Variants in LINC00237 observed in about 807,000 individuals in gnomAD.
LINC00237 encodes long independently transcribed non-coding RNA 237, also known as long intergenic non-protein coding RNA 237.
chr20:21,103,460 C>G (rs940299419), intron 1 of LINC00237, among the ~76,000 whole-genome samples: 1 of 152,146 alleles, frequency 6.6e-6, no homozygotes, highest in African/African-American at 2.4e-5. Flanking sequence ...CTGCCCGGTG[C>G]CCATCATATT....
exon 4 of LINC00237, among the ~76,000 whole-genome samples, chr20:21,085,581 G>C (rs1217095195): frequency 6.6e-6 from 1 of 152,122 alleles, no homozygotes; most frequent in Non-Finnish European, 1.5e-5. Flanking sequence ...AAGAGTACAT[G>C]TTGTATGATT....
intron 1 of LINC00237, among the ~76,000 whole-genome samples, chr20:21,099,357 G>A (rs1283669595): frequency 6.6e-6 from 1 of 152,224 alleles, no homozygotes; most frequent in Non-Finnish European, 1.5e-5. Flanking sequence ...GGGGAGAAAA[G>A]TGAAAGATTC....
intron 1 of LINC00237, among the ~76,000 whole-genome samples, chr20:21,103,108 G>A (rs1248980376): frequency 6.6e-6 from 1 of 152,264 alleles, no homozygotes; most frequent in Non-Finnish European, 1.5e-5. Flanking sequence ...CGAAGCTGGA[G>A]GGCGCACTCC....
intron 2 of LINC00237, among the ~76,000 whole-genome samples, chr20:21,092,587 TG>T (rs2030806857): frequency 6.6e-6 from 1 of 152,188 alleles, no homozygotes; most frequent in Non-Finnish European, 1.5e-5. Flanking sequence ...ATGGCTTAAA[TG>T]GCTCATCTTC....
intron 1 of LINC00237, among the ~76,000 whole-genome samples, chr20:21,105,433 T>C (rs904817701): frequency 6.6e-6 from 1 of 152,310 alleles, no homozygotes; most frequent in East Asian, 1.9e-4. Flanking sequence ...AAGTGGTTTC[T>C]CGAGGTACCC....
At chr20:21,086,685 A>ATATGTATAGTATGCTATATATGTATAG (rs374333750) in intron 3 of LINC00237, among the ~76,000 whole-genome samples, 1 of 94,980 alleles carries the variant, frequency 1.1e-5, no homozygotes. Context: ...AGTATACTAC[A>ATATGTATAGTATGCTATATATGTATAG]TATACATATG....
At chr20:21,097,988 T>C (rs1435416586) in intron 1 of LINC00237, among the ~76,000 whole-genome samples, 5 of 152,204 alleles carry the variant, frequency 3.3e-5, no homozygotes, top group Admixed American at 3.3e-4. Context: ...CTCCCTGCCT[T>C]CTTGTTTAGT....
At chr20:21,094,270 TG>T (rs1430873334) in intron 1 of LINC00237, among the ~76,000 whole-genome samples, 6 of 152,360 alleles carry the variant, frequency 3.9e-5, no homozygotes, top group African/African-American at 1.2e-4. Flanking sequence ...CCAGCCCTTC[TG>T]GGTCTTTCTT....
chr20:21,086,685 A>ATTTGTATAGTATAC (rs1568883483), intron 3 of LINC00237, among the ~76,000 whole-genome samples: 1 of 94,980 alleles, frequency 1.1e-5, no homozygotes, highest in East Asian at 2.9e-4. Context: ...AGTATACTAC[A>ATTTGTATAGTATAC]TATACATATG....
chr20:21,105,541 A>G (rs1486310209), intron 1 of LINC00237, among the ~76,000 whole-genome samples: 2 of 152,140 alleles, frequency 1.3e-5, no homozygotes, highest in African/African-American at 2.4e-5. Context: ...GGCGGCAGGG[A>G]CAGTGTGAGC....
intron 1 of LINC00237, among the ~76,000 whole-genome samples, chr20:21,100,814 A>C (rs2236175): frequency 0.3 from 45,554 of 152,060 alleles, 9,607 homozygotes; most frequent in East Asian, 0.65. Flanking sequence ...GTTGTAAGAC[A>C]GGAGGTTTCC....
chr20:21,094,483 A>G (rs2030830718), intron 1 of LINC00237, among the ~76,000 whole-genome samples: 1 of 152,252 alleles, frequency 6.6e-6, no homozygotes, highest in African/African-American at 2.4e-5. Context: ...AGGGGTGAGC[A>G]TGGAAGACCC....
chr20:21,098,730 C>T (rs1473777058), intron 1 of LINC00237, among the ~76,000 whole-genome samples: 1 of 152,178 alleles, frequency 6.6e-6, no homozygotes, highest in Non-Finnish European at 1.5e-5. Flanking sequence ...GAGGTGTATA[C>T]ATCAAACATG....
At chr20:21,102,883 C>T (rs1206067654) in intron 1 of LINC00237, among the ~76,000 whole-genome samples, 2 of 152,250 alleles carry the variant, frequency 1.3e-5, no homozygotes, top group African/African-American at 4.8e-5. Context: ...CGCCGGTGGC[C>T]GCTCACCCCG....
exon 3 of LINC00237, chr20:21,087,959 T>A (rs1175007428): frequency 2.0e-5 from 3 of 152,164 alleles, no homozygotes; most frequent in Non-Finnish European, 4.4e-5. Flanking sequence ...CTCTTCTTCT[T>A]TAGTAAAATA....
At chr20:21,104,246 T>G (rs570697443) in intron 1 of LINC00237, among the ~76,000 whole-genome samples, 6 of 151,964 alleles carry the variant, frequency 3.9e-5, no homozygotes, top group Non-Finnish European at 8.8e-5. Context: ...TATAAGGGGG[T>G]CAGTTTGTGT....
rs370178421 is a variant in LINC00237 at position 21,101,874 on chromosome 20, T to C, written n.88+4397A>G. On this transcript the variant is annotated intron_variant and non_coding_transcript_variant, in intron 1 of 3. Transcript: ENST00000691244. The surrounding 1 kb of genome is among the most constrained non-coding windows in gnomAD (Gnocchi z 4.3). The stretch of plus-strand genomic sequence containing the variant: ...AGAGGCTGGCGGGGGCACGCGGGGG[T>C]GGTTGGGGGCGGAGTGCGGCGAGGG... 7.6e-3 allele frequency among the ~76,000 whole-genome samples: 1,002 copies of C among 131,044 alleles called. 6 individuals are homozygous for C. The highest frequency in any genetic ancestry group is 0.025 in the South Asian group (95 of 3,866). 86.0% of individuals were successfully genotyped at this position (131,044 alleles called of 152,430 possible).
chr20:21,102,896 C>T (rs2030951991), intron 1 of LINC00237, among the ~76,000 whole-genome samples: 1 of 152,158 alleles, frequency 6.6e-6, no homozygotes, highest in African/African-American at 2.4e-5. Flanking sequence ...TCACCCCGCT[C>T]GCCTCTCTCT....
At chr20:21,105,703 C>T (rs1055933179) in intron 1 of LINC00237, among the ~76,000 whole-genome samples, 1 of 152,180 alleles carries the variant, frequency 6.6e-6, no homozygotes, top group South Asian at 2.1e-4. Flanking sequence ...ATCGGGTTTT[C>T]GCGCCTCCCC....
Sources: allele counts gnomAD v4.1 joint callset (sites outside exome capture counted in the v4.1 genomes callset), GRCh38; gene constraint gnomAD v4.1.1; non-coding constraint Gnocchi (gnomAD v3.1); transcripts MANE v1.5; gene names NCBI Gene and HGNC (gene_info 2026-07-23, HGNC 2026-07-21).